The following FSTL4 variants were observed in gnomAD, a reference collection of about 807,000 sequenced individuals.
FSTL4 encodes the protein follistatin like 4.
A neutral mutation model predicts 78.2 loss-of-function variants in FSTL4; 28 were observed. The ratio of observed to expected loss-of-function variants is 0.36; its 90% CI spans 0.27 to 0.49. The LOEUF is 0.49. Among genes scored for constraint, FSTL4 ranks in the 20% least tolerant of loss-of-function variants. FSTL4 has a pLI of 0.98. For missense variants in FSTL4, 922 were observed against 1,084.9 expected (o/e 0.85, Z 2.11); for synonymous variants, 422 against 440.5 (o/e 0.96, Z 0.53).
intron 4 of FSTL4, among the ~76,000 whole-genome samples, chr5:133,340,927 G>A (rs1754565488): frequency 6.6e-6 from 1 of 151,820 alleles, no homozygotes; most frequent in Non-Finnish European, 1.5e-5. Flanking sequence ...AGCCTCCTGA[G>A]ACAGTGCCTG....
At chr5:133,545,892 G>C (rs539028083) in intron 3 of FSTL4, among the ~76,000 whole-genome samples, 5 of 152,296 alleles carry the variant, frequency 3.3e-5, no homozygotes, top group African/African-American at 1.2e-4. Flanking sequence ...GGACAGTAAA[G>C]GCCACTCTGA....
At position 133,225,298 on chromosome 5, in the gene FSTL4, A is replaced by G. The variant is rs2126794097; in HGVS notation, c.1178-14T>C. On this transcript the variant is annotated splice_polypyrimidine_tract_variant and intron_variant, in intron 9 of 15. Transcript: ENST00000265342. The surrounding 1 kb of genome is among the most constrained non-coding windows in gnomAD (Gnocchi z 4.6). ...CGCTCCCATTGGCTGCAGACAGGAC[A>G]GTGCTCAGGGTGGACTGCTCAGCTG... The G allele has an allele frequency of 6.2e-7, 1 of 1,614,148 alleles. No individual in the cohort carries two copies. The highest frequency in any genetic ancestry group is 1.3e-5 in the African/African-American group (1 of 75,062).
rs553941426 is a variant in FSTL4, at chr5:133,325,260, CTGATCAGTAAA to C, written c.410-8619_410-8609del. On this transcript the variant is annotated intron_variant, in intron 4 of 15. Transcript: ENST00000265342. ...AAAGACCCTGTTTTTTGCCCCGGCTCTGATCAGTAAATGAACAGAGCCGACCCTGTGGACCA... is the reference window on the plus strand; with the variant it reads ...AAAGACCCTGTTTTTTGCCCCGGCTCTGAACAGAGCCGACCCTGTGGACCA... Among the ~76,000 whole-genome samples, 8 of 152,256 alleles carry C rather than the reference CTGATCAGTAAA, an allele frequency of 5.3e-5. No individual in the cohort carries two copies. In the South Asian group the frequency reaches 1.7e-3, roughly 32 times the overall value.
intron 8 of FSTL4, among the ~76,000 whole-genome samples, chr5:133,228,641 A>G (rs1018312328): frequency 5.9e-5 from 9 of 152,384 alleles, no homozygotes; most frequent in Admixed American, 2.6e-4. Context: ...GTCAAGGAGA[A>G]AAACCATTTG....
At chr5:133,373,495 C>T (rs755458485) in intron 4 of FSTL4, among the ~76,000 whole-genome samples, 1 of 152,230 alleles carries the variant, frequency 6.6e-6, no homozygotes, top group Non-Finnish European at 1.5e-5. Flanking sequence ...CAGAGATCCA[C>T]TGGATGCACA....
the FSTL4 span, among the ~76,000 whole-genome samples, chr5:133,652,460 T>C: frequency 2.0e-5 from 3 of 152,212 alleles, no homozygotes; most frequent in Non-Finnish European, 4.4e-5. Context: ...TTCATTTTCA[T>C]TTAGTTCAAA....
intron 4 of FSTL4, among the ~76,000 whole-genome samples, chr5:133,358,758 C>A (rs1412562717): frequency 6.6e-6 from 1 of 152,032 alleles, no homozygotes. Context: ...CGCCACCACA[C>A]CCAGCTAATT....
the FSTL4 span, among the ~76,000 whole-genome samples, chr5:133,790,627 C>T: frequency 6.6e-6 from 1 of 152,182 alleles, no homozygotes; most frequent in Non-Finnish European, 1.5e-5. Context: ...CATCTCCACA[C>T]AGATGTCAAC....
the FSTL4 span, among the ~76,000 whole-genome samples, chr5:133,753,828 T>C: frequency 1.3e-5 from 2 of 152,098 alleles, no homozygotes; most frequent in Admixed American, 6.5e-5. Flanking sequence ...GGCACACCAA[T>C]ACAGTGAACC....
the FSTL4 span, among the ~76,000 whole-genome samples, chr5:133,740,783 A>G: frequency 6.6e-6 from 1 of 151,888 alleles, no homozygotes; most frequent in Admixed American, 6.6e-5. Context: ...GCCATTTCCT[A>G]CTTCTGGGTG....
chr5:133,785,034 AC>A, the FSTL4 span, among the ~76,000 whole-genome samples: 1 of 152,206 alleles, frequency 6.6e-6, no homozygotes, highest in Non-Finnish European at 1.5e-5. Context: ...AACCCAGCCC[AC>A]AGGGACACAT....
the FSTL4 span, among the ~76,000 whole-genome samples, chr5:133,735,517 T>C: frequency 1.7e-3 from 257 of 152,216 alleles, no homozygotes; most frequent in Middle Eastern, 0.01. Flanking sequence ...CTTTTTCTTT[T>C]CCTTTGTCAT....
chr5:133,681,060 G>A, the FSTL4 span, among the ~76,000 whole-genome samples: 1 of 152,360 alleles, frequency 6.6e-6, no homozygotes, highest in Non-Finnish European at 1.5e-5. Context: ...GGCAGCTGAG[G>A]TGTGCATGGC....
At chr5:133,497,490 C>G (rs1341822619) in intron 3 of FSTL4, among the ~76,000 whole-genome samples, 2 of 152,192 alleles carry the variant, frequency 1.3e-5, no homozygotes, top group African/African-American at 4.8e-5. Context: ...GGAGAAGCCT[C>G]TGCATCCCCT....
chr5:133,323,151 A>G (rs1754115840), intron 4 of FSTL4, among the ~76,000 whole-genome samples: 1 of 152,132 alleles, frequency 6.6e-6, no homozygotes, highest in South Asian at 2.1e-4. Context: ...AACACTGCTA[A>G]TGACAGTCAC....
intron 14 of FSTL4, chr5:133,209,771 G>A (rs1349272409): frequency 5.6e-6 from 1 of 178,700 alleles, no homozygotes; most frequent in Non-Finnish European, 1.2e-5. Flanking sequence ...GTAAGCACTT[G>A]GTAAGTGGGC....
At chr5:133,812,588 A>G in the FSTL4 span, among the ~76,000 whole-genome samples, 1 of 152,138 alleles carries the variant, frequency 6.6e-6, no homozygotes, top group African/African-American at 2.4e-5. Context: ...CTCAAGTATC[A>G]TCTCCTCAGA....
At chr5:133,774,413 G>A in the FSTL4 span, among the ~76,000 whole-genome samples, 5 of 152,264 alleles carry the variant, frequency 3.3e-5, no homozygotes, top group African/African-American at 1.2e-4. Flanking sequence ...AGTGGGTAGA[G>A]GCTAAAGATG....
At chr5:133,230,316 C>T (rs567767291) in intron 8 of FSTL4, among the ~76,000 whole-genome samples, 3 of 152,166 alleles carry the variant, frequency 2.0e-5, no homozygotes, top group Non-Finnish European at 4.4e-5. Flanking sequence ...TGTGCATTTA[C>T]CTAACAGGTT....
Sources: allele counts gnomAD v4.1 joint callset (sites outside exome capture counted in the v4.1 genomes callset), GRCh38; gene constraint gnomAD v4.1.1; non-coding constraint Gnocchi (gnomAD v3.1); transcripts MANE v1.5; gene names NCBI Gene and HGNC (gene_info 2026-07-23, HGNC 2026-07-21).